The following UNC5D variants were observed in gnomAD, a reference collection of about 807,000 sequenced individuals.
The protein encoded by UNC5D is unc-5 netrin receptor D.
A neutral mutation model predicts 105.4 loss-of-function variants in UNC5D; 39 were observed. The observed-to-expected ratio is 0.37, with a 90% confidence interval of 0.29 to 0.48. UNC5D has a LOEUF of 0.48. Among genes scored for constraint, UNC5D ranks in the 20% least tolerant of loss-of-function variants. The pLI is 0.98. For synonymous variants in UNC5D, 452 were observed against 450.4 expected, an observed-to-expected ratio of 1.00 and a Z score of -0.04; for missense variants, 991 against 1,202.4, an observed-to-expected ratio of 0.82 and a Z score of 2.60.
chr8:35,352,558 T>C (rs1812310100), intron 1 of UNC5D, among the ~76,000 whole-genome samples: 1 of 152,176 alleles, frequency 6.6e-6, no homozygotes, highest in Admixed American at 6.5e-5. Context: ...AATAAGGTCT[T>C]AGAAGACATC....
intron 3 of UNC5D, among the ~76,000 whole-genome samples, chr8:35,588,651 T>C (rs1235460748): frequency 6.6e-6 from 1 of 152,182 alleles, no homozygotes; most frequent in Non-Finnish European, 1.5e-5. Flanking sequence ...TTCAGTCAGG[T>C]ACCCCATTGC....
chr8:35,319,414 T>C (rs189155402), intron 1 of UNC5D, among the ~76,000 whole-genome samples: 2 of 152,178 alleles, frequency 1.3e-5, no homozygotes, highest in Non-Finnish European at 2.9e-5. Context: ...TGCAGAAGGC[T>C]GTCTGAATCC....
chr8:35,334,776 A>T (rs920804744), intron 1 of UNC5D, among the ~76,000 whole-genome samples: 1 of 152,130 alleles, frequency 6.6e-6, no homozygotes, highest in African/African-American at 2.4e-5. Context: ...GGCCTCCCAA[A>T]GTGCTGGGAT....
At chr8:35,411,440 C>A (rs1176615598) in intron 1 of UNC5D, among the ~76,000 whole-genome samples, 3 of 152,046 alleles carry the variant, frequency 2.0e-5, no homozygotes, top group Non-Finnish European at 2.9e-5. Context: ...TCTTTCCTAA[C>A]CCTAAATATT....
intron 3 of UNC5D, among the ~76,000 whole-genome samples, chr8:35,575,365 G>A (rs561391612): frequency 2.2e-3 from 328 of 152,280 alleles, no homozygotes; most frequent in African/African-American, 7.6e-3. Context: ...TGTAGGTCAT[G>A]ATTGCACCAT....
chr8:35,748,726 T>C, intron 12 of UNC5D, 31 bp downstream of exon 12: 2 of 1,604,422 alleles, frequency 1.2e-6, no homozygotes, highest in Non-Finnish European at 1.7e-6. Flanking sequence ...TTTTAAACAG[T>C]GGGATTTGGG....
intron 1 of UNC5D, among the ~76,000 whole-genome samples, chr8:35,348,919 T>C (rs1812003500): frequency 6.6e-6 from 1 of 151,884 alleles, no homozygotes; most frequent in African/African-American, 2.4e-5. Flanking sequence ...GTAAACTTTA[T>C]TACATTTAGA....
intron 1 of UNC5D, among the ~76,000 whole-genome samples, chr8:35,508,500 C>T (rs996290794): frequency 3.9e-5 from 6 of 152,166 alleles, no homozygotes; most frequent in African/African-American, 9.7e-5. Flanking sequence ...ATCAAGCTAC[C>T]GCCTTTGAAT....
At chr8:35,388,053 C>T (rs1162857774) in intron 1 of UNC5D, among the ~76,000 whole-genome samples, 1 of 151,920 alleles carries the variant, frequency 6.6e-6, no homozygotes, top group Non-Finnish European at 1.5e-5. Context: ...TTCCTTAAGA[C>T]CTGCTCAGGA....
intron 1 of UNC5D, among the ~76,000 whole-genome samples, chr8:35,356,597 G>A (rs902157430): frequency 1.3e-5 from 2 of 151,126 alleles, no homozygotes; most frequent in African/African-American, 4.9e-5. Flanking sequence ...TATTCTTATC[G>A]TAGATCTTAC....
intron 3 of UNC5D, among the ~76,000 whole-genome samples, chr8:35,575,218 A>T (rs1250617164): frequency 1.3e-5 from 2 of 152,026 alleles, no homozygotes; most frequent in Non-Finnish European, 2.9e-5. Context: ...TTGAGGATTC[A>T]ACCTGCATTA....
chr8:35,538,321 G>A (rs1279545977), intron 1 of UNC5D, among the ~76,000 whole-genome samples: 1 of 148,752 alleles, frequency 6.7e-6, no homozygotes, highest in Non-Finnish European at 1.5e-5. Flanking sequence ...GAAGTGATTA[G>A]GCACTGAAGC....
chr8:35,428,530 G>A (rs1466175790), intron 1 of UNC5D, among the ~76,000 whole-genome samples: 1 of 151,600 alleles, frequency 6.6e-6, no homozygotes, highest in Admixed American at 6.6e-5. Context: ...CTCCTCCTTG[G>A]CTCTCTTCTG....
At chr8:35,423,363 T>C (rs1806036340) in intron 1 of UNC5D, among the ~76,000 whole-genome samples, 1 of 152,174 alleles carries the variant, frequency 6.6e-6, no homozygotes, top group Admixed American at 6.5e-5. Context: ...TCATGACATC[T>C]TCCCTCTCTG....
intron 1 of UNC5D, among the ~76,000 whole-genome samples, chr8:35,416,193 A>C (rs2128961790): frequency 1.3e-5 from 2 of 151,348 alleles, no homozygotes. Context: ...TTAAAAATTA[A>C]AAAAAAAGGT....
chr8:35,722,590 A>C (rs1337835823), intron 9 of UNC5D, among the ~76,000 whole-genome samples, 195 bp downstream of exon 9: 2 of 152,182 alleles, frequency 1.3e-5, no homozygotes, highest in African/African-American at 4.8e-5. Flanking sequence ...CAGGGACAAG[A>C]GGATCTCGGT....
At chr8:35,529,100 G>A (rs1814124931) in intron 1 of UNC5D, among the ~76,000 whole-genome samples, 1 of 142,626 alleles carries the variant, frequency 7.0e-6, no homozygotes, top group Non-Finnish European at 1.5e-5. Context: ...TGCTTTTGGT[G>A]TTTTGGACAT....
intron 1 of UNC5D, among the ~76,000 whole-genome samples, chr8:35,325,245 A>C (rs1220199105): frequency 6.6e-6 from 1 of 152,198 alleles, no homozygotes; most frequent in African/African-American, 2.4e-5. Context: ...TAAAGCACAT[A>C]AGACACTAGG....
intron 1 of UNC5D, among the ~76,000 whole-genome samples, chr8:35,434,656 A>G (rs1030026675): frequency 2.6e-5 from 4 of 152,142 alleles, no homozygotes; most frequent in Non-Finnish European, 5.9e-5. Flanking sequence ...TGTAACATTA[A>G]TACAGTTCCA....
Sources: gnomAD v4.1 joint callset for allele counts (sites outside exome capture counted in the v4.1 genomes callset) on GRCh38, gnomAD v4.1.1 for gene constraint, MANE v1.5 for transcripts, NCBI Gene and HGNC (gene_info 2026-07-23, HGNC 2026-07-21) for gene names.